Variants in GRIK1 observed in about 807,000 individuals in gnomAD.
The protein encoded by GRIK1 is glutamate receptor ionotropic, kainate 1.
GRIK1 carries 69 observed loss-of-function variants against 105.7 expected under a neutral mutation model. The observed-to-expected ratio is 0.65, with a 90% CI of 0.54 to 0.80. GRIK1 has a LOEUF of 0.80. Among genes scored for constraint, GRIK1 ranks in the 30% least tolerant of loss-of-function variants. The probability of loss-of-function intolerance (pLI) is 0.00; values close to 1 mark genes in which losing one functional copy is unlikely to be tolerated. For missense variants in GRIK1, 1,109 were observed against 1,167.3 expected (o/e 0.95, Z 0.73); for synonymous variants, 438 against 431.3 (o/e 1.02, Z -0.19).
rs752492406 is a variant in GRIK1 at position 29,571,878 on chromosome 21, T to C, written c.2130+5086A>G. ...TGAGAAAACGTTTCTCATTAGAAGT[T>C]TCCTTGTGATTGAGTGGAGACAGGA... On this transcript the variant is annotated intron_variant, in intron 14 of 17. Transcript: ENST00000327783. Among the ~76,000 whole-genome samples the C allele has an allele frequency of 3.3e-4, 51 of 152,332 alleles. 1 individual carries two copies. The highest frequency in any genetic ancestry group is 4.9e-4 in the Non-Finnish European group (33 of 68,030).
intron 1 of GRIK1, among the ~76,000 whole-genome samples, chr21:29,844,746 C>T (rs1379946056): frequency 2.0e-5 from 3 of 152,102 alleles, no homozygotes; most frequent in Admixed American, 6.6e-5. Context: ...AGTTATAGTA[C>T]GTCATTATTT....
In GRIK1 at chr21:29,678,669, A is replaced by AT. The variant is rs562051013; in HGVS notation, c.545-5506dup. Among the ~76,000 whole-genome samples, 307 of 152,036 alleles carry AT rather than the reference A, an allele frequency of 2.0e-3. 1 individual carries two copies. The highest frequency in any genetic ancestry group is 3.4e-3 in the Middle Eastern group (1 of 294). ...AGAAAAAAAGAAACTGTAATTTATC[A>AT]TTTTTTTTGATATTGAGTGTAAAGA... is the stretch of plus-strand genomic sequence containing the variant. On this transcript the variant is annotated intron_variant, in intron 3 of 17. Transcript: ENST00000327783.
intron 3 of GRIK1, among the ~76,000 whole-genome samples, chr21:29,681,336 T>C (rs748955011): frequency 1.3e-5 from 2 of 152,142 alleles, no homozygotes; most frequent in Non-Finnish European, 2.9e-5. Context: ...GCTCTTCCAA[T>C]GGTTTACAAA....
chr21:29,604,121 T>C (rs2061569571), intron 7 of GRIK1, among the ~76,000 whole-genome samples: 1 of 152,184 alleles, frequency 6.6e-6, no homozygotes, highest in Non-Finnish European at 1.5e-5. Flanking sequence ...AGTGTGACTA[T>C]TGTGTCCGTT....
At chr21:29,589,423 G>A (rs1207233000) in intron 10 of GRIK1, among the ~76,000 whole-genome samples, 1 of 141,930 alleles carries the variant, frequency 7.0e-6, no homozygotes, top group Non-Finnish European at 1.5e-5. Context: ...GACCCTTCTG[G>A]CTTTTTTTTT....
rs963820659 is a variant in GRIK1 at position 29,664,074 on chromosome 21, T to C, written c.726+8909A>G. Among the ~76,000 whole-genome samples the C allele has an allele frequency of 6.6e-5, 10 of 152,292 alleles. No homozygotes were observed. In the East Asian group the frequency reaches 7.7e-4, roughly 12 times the overall value. On this transcript the variant is annotated intron_variant, in intron 4 of 17. Coordinates refer to ENST00000327783, the MANE Select transcript of GRIK1 (RefSeq NM_001330994.2). ...TTGGTTTCTGGCTGCAGTAATTGGA[T>C]GAAATTTCTAGTTACCAAGAAAGGG...
intron 9 of GRIK1, among the ~76,000 whole-genome samples, chr21:29,594,121 T>C (rs1354758686): frequency 1.3e-5 from 2 of 152,142 alleles, no homozygotes; most frequent in Non-Finnish European, 1.5e-5. Context: ...ATGTACAGTA[T>C]ATATATGCTG....
At chr21:29,618,251 T>C (rs148984949) in intron 7 of GRIK1, among the ~76,000 whole-genome samples, 107 of 151,804 alleles carry the variant, frequency 7.0e-4, no homozygotes, top group Middle Eastern at 3.4e-3. Flanking sequence ...GATTAACTTT[T>C]GATTCACTGA....
Position 29,588,931 on chromosome 21 carries a change from T to G in GRIK1, c.1477A>C (p.Ile493Leu), listed in dbSNP as rs998920385. 2.5e-6 allele frequency: 4 copies of G among 1,606,720 alleles called. No homozygotes were observed. Among genetic ancestry groups the G allele is most frequent in the Non-Finnish European group, 3.4e-6 (4 of 1,173,368 alleles). Reference sequence around the variant, plus strand: ...TCGGGAACTAGTTTAACATCATAAATGAAACCCAGGATGTTTGACAATTCT... The same window carrying G: ...TCGGGAACTAGTTTAACATCATAAAGGAAACCCAGGATGTTTGACAATTCT... Reference protein sequence around the residue: ...LKELSNILGFIYDVKLVPDGK... With the variant: ...LKELSNILGFLYDVKLVPDGK... The change falls in exon 11 of 18, where the codon ATT (isoleucine) becomes CTT (leucine). Residue 493 changes from isoleucine to leucine, a missense_variant. Around this residue, in one of 5 missense-constraint regions of GRIK1, gnomAD observed 54 missense variants for 88.1 expected, o/e 0.61. Transcript: ENST00000327783.
At chr21:29,898,685 T>C (rs375961464) in intron 1 of GRIK1, among the ~76,000 whole-genome samples, 9 of 152,316 alleles carry the variant, frequency 5.9e-5, no homozygotes, top group Admixed American at 5.2e-4. Flanking sequence ...TTCTTTAATA[T>C]AGTGTGCTTT....
intron 12 of GRIK1, among the ~76,000 whole-genome samples, chr21:29,584,356 A>G (rs917982464): frequency 1.3e-5 from 2 of 152,284 alleles, no homozygotes; most frequent in Non-Finnish European, 2.9e-5. Context: ...TTTTAAGAAG[A>G]CGAACATAAA....
In GRIK1 at chr21:29,702,366, T is replaced by C. The variant is rs1436068832; in HGVS notation, c.119-8303A>G. Among the ~76,000 whole-genome samples, 11 of 152,188 alleles carry C rather than the reference T, an allele frequency of 7.2e-5. No individual in the cohort carries two copies. The South Asian group carries it at 1.0e-3, about 14-fold the overall frequency. On this transcript the variant is annotated intron_variant, in intron 1 of 17. Transcript: ENST00000327783. ...AAGTTAGATATATCAATCTGGATCTTATGGCAGAGAGGTTGGGCCTAGAGA... is the reference window on the plus strand; with the variant it reads ...AAGTTAGATATATCAATCTGGATCTCATGGCAGAGAGGTTGGGCCTAGAGA...
intron 1 of GRIK1, among the ~76,000 whole-genome samples, chr21:29,724,733 T>C (rs2146872302): frequency 6.6e-6 from 1 of 152,318 alleles, no homozygotes. Flanking sequence ...GAAGAGCATA[T>C]GTCCTCTAAT....
intron 1 of GRIK1, among the ~76,000 whole-genome samples, chr21:29,825,078 A>C (rs2145939361): frequency 6.6e-6 from 1 of 152,228 alleles, no homozygotes; most frequent in South Asian, 2.1e-4. Context: ...TAAAGATTAG[A>C]GCCAGAGACA....
intron 1 of GRIK1, among the ~76,000 whole-genome samples, chr21:29,798,012 T>G (rs1418610638): frequency 2.0e-5 from 3 of 152,256 alleles, no homozygotes; most frequent in African/African-American, 7.2e-5. Flanking sequence ...TCTTTTGTTT[T>G]GTACTCATAT....
chr21:29,936,626 C>T (rs1489584224), intron 1 of GRIK1, among the ~76,000 whole-genome samples: 1 of 152,210 alleles, frequency 6.6e-6, no homozygotes, highest in African/African-American at 2.4e-5. Flanking sequence ...AAGGGCACCA[C>T]TATCCTACCG....
At chr21:29,909,340 C>A (rs1025986422) in intron 1 of GRIK1, among the ~76,000 whole-genome samples, 41 of 151,872 alleles carry the variant, frequency 2.7e-4, no homozygotes, top group African/African-American at 8.9e-4. Flanking sequence ...TTATTGGCTC[C>A]TTTGTGAGGT....
intron 1 of GRIK1, among the ~76,000 whole-genome samples, chr21:29,713,315 G>A (rs571013015): frequency 3.0e-4 from 45 of 152,134 alleles, no homozygotes; most frequent in African/African-American, 1.0e-3. Flanking sequence ...TCTCTATTTA[G>A]TTTAAACTAA....
At chr21:29,640,066 T>C (rs1165697494) in intron 7 of GRIK1, among the ~76,000 whole-genome samples, 1 of 151,946 alleles carries the variant, frequency 6.6e-6, no homozygotes, top group East Asian at 1.9e-4. Flanking sequence ...ATGAATTTGG[T>C]CTTCACCCCA....
Sources: allele counts gnomAD v4.1 joint callset (sites outside exome capture counted in the v4.1 genomes callset), GRCh38; gene constraint gnomAD v4.1.1; regional missense constraint gnomAD v4.1.1; transcripts MANE v1.5; gene names NCBI Gene and HGNC (gene_info 2026-07-23, HGNC 2026-07-21).